RASSF3: variants seen among roughly 807,000 people sequenced by gnomAD.
The protein encoded by RASSF3 is Ras association domain family member 3.
Under a neutral mutation model 19.9 loss-of-function variants are expected in RASSF3, and 19 were observed. That is an observed-to-expected ratio of 0.96 (90% CI 0.67 to 1.40). RASSF3 has a LOEUF of 1.40. RASSF3 is among the 40% of genes most tolerant of loss of function. RASSF3 has a pLI of 0.00. For missense variants in RASSF3, 306 were observed against 289.8 expected (o/e 1.06, Z -0.41); for synonymous variants, 110 against 104.2 (o/e 1.06, Z -0.34).
intron 2 of RASSF3, among the ~76,000 whole-genome samples, chr12:64,602,726 T>C (rs1196253597): frequency 6.6e-6 from 1 of 151,110 alleles, no homozygotes; most frequent in African/African-American, 2.4e-5. Flanking sequence ...TCTCTAAAAA[T>C]GAAAAAAAGA....
intron 2 of RASSF3, among the ~76,000 whole-genome samples, chr12:64,598,092 T>C (rs959307171): frequency 3.3e-5 from 5 of 152,216 alleles, no homozygotes; most frequent in African/African-American, 1.2e-4. Context: ...AATTTTTTTG[T>C]ATTTTTAGTA....
chr12:64,696,091 C>G lies in RASSF3; in HGVS notation c.*1179C>G, dbSNP rs1229871826. ...CCACCCTACCTTGTTCTTTTCCTCCCTCCCTCCCTCCCTCCCTCCCTCCCT... is the reference window on the plus strand; with the variant it reads ...CCACCCTACCTTGTTCTTTTCCTCCGTCCCTCCCTCCCTCCCTCCCTCCCT... On this transcript the variant is annotated 3_prime_UTR_variant, in exon 5 of 5. Transcript: ENST00000542104. 3 of 85,972 alleles carry G rather than the reference C, an allele frequency of 3.5e-5. No homozygotes were observed. The highest frequency in any genetic ancestry group is 2.6e-4 in the Admixed American group (2 of 7,766). 5.3% of individuals were successfully genotyped at this position (85,972 alleles called of 1,614,324 possible).
At chr12:64,626,496 A>AG (rs1870997955) in intron 1 of RASSF3, among the ~76,000 whole-genome samples, 1 of 151,708 alleles carries the variant, frequency 6.6e-6, no homozygotes, top group Non-Finnish European at 1.5e-5. Context: ...CTCAAAAAAA[A>AG]AAAAAAAAAG....
chr12:64,667,040 TG>T (rs1164474500), intron 1 of RASSF3, among the ~76,000 whole-genome samples: 1 of 150,296 alleles, frequency 6.7e-6, no homozygotes, highest in Non-Finnish European at 1.5e-5. Context: ...AGCCCGTTAA[TG>T]GGTAGGGGAG....
chr12:64,534,427 T>G (rs530861831), intron 1 of RASSF3, among the ~76,000 whole-genome samples: 1 of 152,160 alleles, frequency 6.6e-6, no homozygotes, highest in East Asian at 1.9e-4. Context: ...CCCAGGAATT[T>G]GAGGCTGCAG....
chr12:64,507,016 G>A (rs1868296270), exon 1 of RASSF3: 1 of 395,300 alleles, frequency 2.5e-6, no homozygotes, highest in Non-Finnish European at 4.5e-6. Context: ...ACAGTTTCTA[G>A]TTATGAGGGC....
intron 1 of RASSF3, among the ~76,000 whole-genome samples, chr12:64,664,795 T>TG (rs1427036793): frequency 6.6e-6 from 1 of 152,178 alleles, no homozygotes; most frequent in Non-Finnish European, 1.5e-5. Flanking sequence ...GCTCTGATTT[T>TG]GGGGGGTCAT....
intron 2 of RASSF3, among the ~76,000 whole-genome samples, chr12:64,573,013 G>A (rs1869544374): frequency 6.6e-6 from 1 of 152,194 alleles, no homozygotes; most frequent in Non-Finnish European, 1.5e-5. Context: ...GGGATTATAA[G>A]CATGAACCAC....
chr12:64,641,830 C>T (rs1871545419), intron 1 of RASSF3, among the ~76,000 whole-genome samples: 3 of 150,480 alleles, frequency 2.0e-5, no homozygotes, highest in African/African-American at 7.4e-5. Context: ...GCAACCTCTG[C>T]CTCCCGGGTT....
intron 1 of RASSF3, among the ~76,000 whole-genome samples, chr12:64,615,139 G>T (rs1205254059): frequency 6.6e-6 from 1 of 152,170 alleles, no homozygotes; most frequent in African/African-American, 2.4e-5. Context: ...CCAAAAATGT[G>T]GACAGTTGTG....
intron 2 of RASSF3, among the ~76,000 whole-genome samples, chr12:64,549,413 G>T (rs2136120051): frequency 6.6e-6 from 1 of 152,256 alleles, no homozygotes. Context: ...TGCTTCCTTT[G>T]TTGTATGTTT....
intron 2 of RASSF3, among the ~76,000 whole-genome samples, chr12:64,604,401 C>T (rs1303982681): frequency 6.6e-6 from 1 of 152,210 alleles, no homozygotes; most frequent in Non-Finnish European, 1.5e-5. Context: ...GGTAGGATTA[C>T]AGGTGTGAGC....
intron 2 of RASSF3, among the ~76,000 whole-genome samples, chr12:64,546,862 C>T (rs1869072714): frequency 2.0e-5 from 3 of 152,122 alleles, no homozygotes; most frequent in Admixed American, 2.0e-4. Context: ...TCAATTTGGT[C>T]CTTGAAAAGA....
rs1052042960 is a variant in RASSF3, at chr12:64,643,542, C to T, written c.111+32799C>T. Among the ~76,000 whole-genome samples the T allele has an allele frequency of 4.0e-5, 6 of 151,038 alleles. No homozygotes were observed. The East Asian group carries it at 9.7e-4, about 24-fold the overall frequency. ...CAGCCTGGGCAACCTAGTGAGACCC[C>T]GTCTCTTAAAAAAAAAATAAAACCC... is the stretch of plus-strand genomic sequence containing the variant. On this transcript the variant is annotated intron_variant, in intron 1 of 4. Coordinates refer to ENST00000542104, the MANE Select transcript of RASSF3 (RefSeq NM_178169.4).
At chr12:64,517,794 CT>C (rs1183099101) in intron 1 of RASSF3, among the ~76,000 whole-genome samples, 1 of 151,820 alleles carries the variant, frequency 6.6e-6, no homozygotes, top group Non-Finnish European at 1.5e-5. Context: ...AATTTTTGTA[CT>C]TTTTGTAGAG....
At chr12:64,684,435 G>GTTTTTTTTT (rs56163162) in intron 1 of RASSF3, among the ~76,000 whole-genome samples, 1 of 131,204 alleles carries the variant, frequency 7.6e-6, no homozygotes, top group African/African-American at 3.0e-5. Flanking sequence ...TTGTTTGTTT[G>GTTTTTTTTT]TTTTTTTTTT....
intron 2 of RASSF3, among the ~76,000 whole-genome samples, chr12:64,587,924 A>G (rs769056201): frequency 5.9e-5 from 9 of 152,206 alleles, no homozygotes; most frequent in East Asian, 1.9e-4. Context: ...CTAAATGAAC[A>G]CCACCCCCAG....
At chr12:64,665,187 C>A (rs980292863) in intron 1 of RASSF3, among the ~76,000 whole-genome samples, 6 of 152,154 alleles carry the variant, frequency 3.9e-5, no homozygotes, top group Admixed American at 6.5e-5. Context: ...CAGTGCCTCT[C>A]GCAACCAATT....
chr12:64,540,704 C>T (rs1353060123), intron 1 of RASSF3, among the ~76,000 whole-genome samples: 1 of 152,240 alleles, frequency 6.6e-6, no homozygotes, highest in Non-Finnish European at 1.5e-5. Flanking sequence ...CCTGTAATCT[C>T]AACACTTTGG....
Sources: allele counts gnomAD v4.1 joint callset (sites outside exome capture counted in the v4.1 genomes callset), GRCh38; gene constraint gnomAD v4.1.1; transcripts MANE v1.5; gene names NCBI Gene and HGNC (gene_info 2026-07-23, HGNC 2026-07-21).